The following SYT1 variants were observed in gnomAD, a reference collection of about 807,000 sequenced individuals.
SYT1 encodes synaptotagmin-1.
Under a neutral mutation model 44.8 loss-of-function variants are expected in SYT1, and 8 were observed. That is an observed-to-expected ratio of 0.18 (90% confidence interval 0.10 to 0.32). The LOEUF (loss-of-function observed/expected upper bound fraction) is 0.32. Ranked by LOEUF, SYT1 falls within the 10% of genes least tolerant of loss-of-function variation. The probability of loss-of-function intolerance (pLI) is 1.00; values close to 1 mark genes in which losing one functional copy is unlikely to be tolerated. For synonymous variants in SYT1, 154 were observed against 188.8 expected, an observed-to-expected ratio of 0.82 and a Z score of 1.51; for missense variants, 286 against 509.3, an observed-to-expected ratio of 0.56 and a Z score of 4.22.
At chr12:79,278,598 C>G (rs765195806) in intron 4 of SYT1, among the ~76,000 whole-genome samples, 1 of 151,834 alleles carries the variant, frequency 6.6e-6, no homozygotes, top group Non-Finnish European at 1.5e-5. Context: ...TGTCATGCCT[C>G]AAGGAACTAG....
rs140332846 is a variant in SYT1, at chr12:78,966,241, ATTTG to A, written c.-216-11554_-216-11551del. Among the ~76,000 whole-genome samples, 169 of 151,762 alleles carry A rather than the reference ATTTG, an allele frequency of 1.1e-3. 1 individual carries two copies. Among genetic ancestry groups the A allele is most frequent in the African/African-American group, 3.9e-3 (162 of 41,404 alleles). On this transcript the variant is annotated intron_variant, in intron 1 of 10. Transcript: ENST00000261205. ...CATTTACATTTATTTGTAATCATTTATTTGTTTATTTGTTTATTTTTTGTATTAT... is the reference window on the plus strand; with the variant it reads ...CATTTACATTTATTTGTAATCATTTATTTATTTGTTTATTTTTTGTATTAT...
chr12:79,389,989 G>A (rs1884589460), intron 9 of SYT1, among the ~76,000 whole-genome samples: 1 of 151,422 alleles, frequency 6.6e-6, no homozygotes, highest in African/African-American at 2.4e-5. Flanking sequence ...CTGGAGTGCA[G>A]CGGCGCGATC....
intron 9 of SYT1, among the ~76,000 whole-genome samples, chr12:79,385,444 A>G (rs529354515): frequency 6.9e-6 from 1 of 145,706 alleles, no homozygotes; most frequent in South Asian, 2.3e-4. Flanking sequence ...TGCTCAATCA[A>G]GCTTTATGTA....
At chr12:79,127,629 G>A (rs577896915) in intron 3 of SYT1, among the ~76,000 whole-genome samples, 1 of 152,176 alleles carries the variant, frequency 6.6e-6, no homozygotes, top group South Asian at 2.1e-4. Flanking sequence ...TAGTGAACAT[G>A]AAAATGACTA....
intron 1 of SYT1, among the ~76,000 whole-genome samples, chr12:78,941,745 A>G (rs1878387900): frequency 6.6e-6 from 1 of 152,218 alleles, no homozygotes; most frequent in Non-Finnish European, 1.5e-5. Flanking sequence ...ACATTTCTTT[A>G]TAAATGCTTC....
intron 1 of SYT1, among the ~76,000 whole-genome samples, chr12:78,909,633 A>G (rs965580874): frequency 1.3e-5 from 2 of 151,962 alleles, no homozygotes; most frequent in Non-Finnish European, 2.9e-5. Flanking sequence ...ACAGAGACAT[A>G]GATATAGATA....
chr12:78,910,685 A>C (rs1876266442), intron 1 of SYT1, among the ~76,000 whole-genome samples: 1 of 152,016 alleles, frequency 6.6e-6, no homozygotes, highest in South Asian at 2.1e-4. Flanking sequence ...AATTATTGCA[A>C]AAACACGCAA....
At chr12:79,093,737 C>T (rs190713749) in intron 3 of SYT1, among the ~76,000 whole-genome samples, 1 of 151,728 alleles carries the variant, frequency 6.6e-6, no homozygotes, top group Non-Finnish European at 1.5e-5. Flanking sequence ...AATCCTTATG[C>T]CTTCCTTATA....
intron 8 of SYT1, among the ~76,000 whole-genome samples, chr12:79,303,726 AG>A (rs1374555292): frequency 6.6e-6 from 1 of 152,230 alleles, no homozygotes; most frequent in African/African-American, 2.4e-5. Context: ...TTTACTTCAC[AG>A]AAAAGCATGT....
At chr12:79,031,580 C>T (rs1872834256) in intron 2 of SYT1, among the ~76,000 whole-genome samples, 1 of 151,114 alleles carries the variant, frequency 6.6e-6, no homozygotes, top group Non-Finnish European at 1.5e-5. Context: ...TGTTAAGATG[C>T]TAATTCTTGT....
intron 1 of SYT1, among the ~76,000 whole-genome samples, chr12:78,913,093 G>A (rs1446375778): frequency 6.6e-6 from 1 of 151,684 alleles, no homozygotes; most frequent in Non-Finnish European, 1.5e-5. Flanking sequence ...CAATAATCTT[G>A]ATTTTCCATT....
intron 3 of SYT1, among the ~76,000 whole-genome samples, chr12:79,094,979 G>T (rs1197428764): frequency 6.6e-6 from 1 of 151,892 alleles, no homozygotes; most frequent in African/African-American, 2.4e-5. Context: ...CAAAAATGGG[G>T]TACAACCCAT....
At chr12:78,982,154 A>G (rs1420572167) in intron 2 of SYT1, among the ~76,000 whole-genome samples, 1 of 152,202 alleles carries the variant, frequency 6.6e-6, no homozygotes, top group African/African-American at 2.4e-5. Context: ...AAGAAAAACT[A>G]CTACATTCAA....
chr12:79,057,439 C>T lies in SYT1; in HGVS notation c.-18+10077C>T, dbSNP rs539456217. Among the ~76,000 whole-genome samples, 11 of 151,982 alleles carry T rather than the reference C, an allele frequency of 7.2e-5. No homozygotes were observed. The East Asian group carries it at 2.1e-3, about 30-fold the overall frequency. ...TGATATTATACAATTTTTCAATAGT[C>T]TGAAATATATTATAAGAAATAATTC... is the stretch of plus-strand genomic sequence containing the variant. On this transcript the variant is annotated intron_variant, in intron 3 of 10. Coordinates refer to ENST00000261205, the MANE Select transcript of SYT1 (RefSeq NM_005639.3).
At chr12:79,203,990 T>C (rs1325059397) in intron 3 of SYT1, among the ~76,000 whole-genome samples, 1 of 152,216 alleles carries the variant, frequency 6.6e-6, no homozygotes, top group African/African-American at 2.4e-5. Context: ...TCGATCAACA[T>C]TTATCTATTC....
chr12:79,149,251 T>C (rs901210368), intron 3 of SYT1, among the ~76,000 whole-genome samples: 1 of 152,066 alleles, frequency 6.6e-6, no homozygotes, highest in East Asian at 1.9e-4. Context: ...GAAAGAAGAA[T>C]GTGTTTGTTT....
intron 2 of SYT1, among the ~76,000 whole-genome samples, chr12:79,020,405 A>G (rs1872112295): frequency 6.6e-6 from 1 of 151,902 alleles, no homozygotes; most frequent in Non-Finnish European, 1.5e-5. Flanking sequence ...TGGCAGAATA[A>G]TAAAAGCTCA....
intron 3 of SYT1, among the ~76,000 whole-genome samples, chr12:79,054,287 A>G (rs2137808556): frequency 6.6e-6 from 1 of 152,114 alleles, no homozygotes; most frequent in South Asian, 2.1e-4. Flanking sequence ...TAATGTGCAC[A>G]CGTTACTTTT....
intron 9 of SYT1, among the ~76,000 whole-genome samples, chr12:79,395,376 GC>G (rs1884828064): frequency 6.6e-6 from 1 of 151,870 alleles, no homozygotes; most frequent in African/African-American, 2.4e-5. Context: ...CCACGACCAC[GC>G]CCAGCTAATT....
Sources: gnomAD v4.1 joint callset for allele counts (sites outside exome capture counted in the v4.1 genomes callset) on GRCh38, gnomAD v4.1.1 for gene constraint, MANE v1.5 for transcripts, NCBI Gene and HGNC (gene_info 2026-07-23, HGNC 2026-07-21) for gene names.